Variants in TLE4 observed in about 807,000 individuals in gnomAD.
TLE4 encodes the protein transducin-like enhancer protein 4.
Under a neutral mutation model 92.8 loss-of-function variants are expected in TLE4, and 8 were observed. That is an observed-to-expected ratio of 0.09 (90% confidence interval 0.05 to 0.16). The LOEUF (loss-of-function observed/expected upper bound fraction) is 0.16, where lower values mean the gene tolerates loss of function less well. TLE4 is among the 10% of genes least tolerant of loss of function. TLE4 has a pLI of 1.00. For synonymous variants in TLE4, 371 were observed against 374.1 expected, an observed-to-expected ratio of 0.99 and a Z score of 0.10; for missense variants, 675 against 997.6, an observed-to-expected ratio of 0.68 and a Z score of 4.36.
At chr9:79,646,583 T>C (rs926959670) in intron 6 of TLE4, among the ~76,000 whole-genome samples, 1 of 152,222 alleles carries the variant, frequency 6.6e-6, no homozygotes, top group Admixed American at 6.5e-5. Flanking sequence ...AGATGTTTTC[T>C]AATATGTTTT....
intron 19 of TLE4, among the ~76,000 whole-genome samples, chr9:79,723,623 T>C (rs184247817): frequency 5.8e-4 from 89 of 152,368 alleles, no homozygotes; most frequent in African/African-American, 2.0e-3. Context: ...GAGAATTTCA[T>C]AGGCAAGGTG....
intron 5 of TLE4, among the ~76,000 whole-genome samples, chr9:79,616,254 C>CT (rs2049567862): frequency 6.6e-6 from 1 of 152,278 alleles, no homozygotes; most frequent in African/African-American, 2.4e-5. Flanking sequence ...GTGGTTTACT[C>CT]TAACTGGGCT....
At chr9:79,636,889 C>A (rs544098357) in intron 6 of TLE4, among the ~76,000 whole-genome samples, 56 of 152,194 alleles carry the variant, frequency 3.7e-4, no homozygotes, top group African/African-American at 1.3e-3. Context: ...GTAATTTGTT[C>A]ATAATAATTT....
intron 14 of TLE4, among the ~76,000 whole-genome samples, chr9:79,711,621 G>C (rs1425888271): frequency 6.6e-6 from 1 of 152,156 alleles, no homozygotes; most frequent in Admixed American, 6.5e-5. Flanking sequence ...GCTTCGAGGG[G>C]CAAGGGGTGT....
At chr9:79,602,855 C>G (rs927133770) in intron 4 of TLE4, among the ~76,000 whole-genome samples, 14 of 152,172 alleles carry the variant, frequency 9.2e-5, no homozygotes, top group Middle Eastern at 3.4e-3. Flanking sequence ...TGAAAACCTT[C>G]TGGAAAGGAT....
intron 5 of TLE4, among the ~76,000 whole-genome samples, chr9:79,625,867 T>C (rs2052486887): frequency 2.0e-5 from 3 of 150,138 alleles, no homozygotes; most frequent in Admixed American, 2.0e-4. Context: ...TATCTATAAA[T>C]AGACTTTTAT....
intron 14 of TLE4, among the ~76,000 whole-genome samples, chr9:79,714,513 A>G (rs1480695096): frequency 1.3e-5 from 2 of 152,162 alleles, no homozygotes; most frequent in African/African-American, 4.8e-5. Context: ...TATTCTTGCT[A>G]TCTGGAATAT....
chr9:79,650,219 GT>G (rs929585598), intron 6 of TLE4, among the ~76,000 whole-genome samples: 1 of 150,884 alleles, frequency 6.6e-6, no homozygotes, highest in East Asian at 1.9e-4. Flanking sequence ...CCAGGCTTGG[GT>G]TTTTTTTTGG....
chr9:79,579,599 A>T (rs2039035481), intron 4 of TLE4, among the ~76,000 whole-genome samples: 1 of 152,186 alleles, frequency 6.6e-6, no homozygotes, highest in Admixed American at 6.5e-5. Context: ...AAACGCATAG[A>T]ATCTGAAAGT....
chr9:79,641,142 CTT>C (rs1373069561), intron 6 of TLE4, among the ~76,000 whole-genome samples: 3 of 143,216 alleles, frequency 2.1e-5, no homozygotes, highest in African/African-American at 5.1e-5. Flanking sequence ...CAGGAAGAAT[CTT>C]TTTTTTTTTT....
chr9:79,645,405 A>G (rs1183798452), intron 6 of TLE4, among the ~76,000 whole-genome samples: 1 of 152,152 alleles, frequency 6.6e-6, no homozygotes, highest in Non-Finnish European at 1.5e-5. Flanking sequence ...GAAATGCCCA[A>G]AATTCCTAGG....
In TLE4 at chr9:79,572,705, C is replaced by A; in HGVS notation, c.-86C>A. The A allele has an allele frequency of 6.8e-7, 1 of 1,460,366 alleles. No individual in the cohort carries two copies. The highest frequency in any genetic ancestry group is 9.4e-7 in the Non-Finnish European group (1 of 1,065,420). The allele number at this position is 1,460,366 out of a possible 1,614,324, so 90.5% of individuals were successfully genotyped here. On this transcript the variant is annotated 5_prime_UTR_variant, in exon 1 of 20. Transcript: ENST00000376552. ...CCCCTCAGACCGAGCCGGCCGCCTC[C>A]GCTGCCGCGGCCGCCTCCTCTTCGG... is the stretch of plus-strand genomic sequence containing the variant.
intron 4 of TLE4, among the ~76,000 whole-genome samples, chr9:79,578,557 G>C (rs903922170): frequency 6.6e-6 from 1 of 151,976 alleles, no homozygotes; most frequent in Non-Finnish European, 1.5e-5. Flanking sequence ...GGTGGAGGTC[G>C]GTGTTCTCCC....
chr9:79,708,394 T>A, intron 12 of TLE4, 144 bp downstream of exon 12: 1 of 1,166,924 alleles, frequency 8.6e-7, no homozygotes, highest in Non-Finnish European at 1.2e-6. Flanking sequence ...ACCGAGCACC[T>A]GGGACCAACC....
rs1162706809 is a variant in TLE4 at position 79,722,963 on chromosome 9, A to G, written c.2142A>G (p.Lys714=). 2.5e-6 allele frequency: 4 copies of G among 1,614,178 alleles called. No homozygotes were observed. In the South Asian group the frequency reaches 3.3e-5, roughly 13 times the overall value. The change falls in exon 19 of 20, where the codon AAA becomes AAG. Residue 714 remains lysine (K), a synonymous_variant. Coordinates refer to ENST00000376552, the MANE Select transcript of TLE4 (RefSeq NM_007005.6). ...TTCAAAACCCTTTACCTATAGGCAAATGGTTTGTAAGCACTGGAAAGGACA... is the reference window on the plus strand; with the variant it reads ...TTCAAAACCCTTTACCTATAGGCAAGTGGTTTGTAAGCACTGGAAAGGACA... The part of the protein sequence containing the change: ...VLSLKFAHCG[K]WFVSTGKDNL...
intron 4 of TLE4, among the ~76,000 whole-genome samples, chr9:79,594,850 G>A (rs139203295): frequency 6.6e-4 from 101 of 152,292 alleles, no homozygotes; most frequent in African/African-American, 2.3e-3. Context: ...AATTTATTAA[G>A]CGTAAGTTTA....
At chr9:79,623,595 C>G (rs1223381155) in intron 5 of TLE4, among the ~76,000 whole-genome samples, 1 of 151,284 alleles carries the variant, frequency 6.6e-6, no homozygotes, top group Admixed American at 6.6e-5. Flanking sequence ...ATTATTTTTA[C>G]TGAGGTATAA....
intron 8 of TLE4, among the ~76,000 whole-genome samples, chr9:79,673,340 T>G (rs567265869): frequency 2.0e-5 from 3 of 152,300 alleles, no homozygotes; most frequent in East Asian, 3.9e-4. Context: ...ACCAAACAAT[T>G]TCTAGACCCC....
intron 14 of TLE4, among the ~76,000 whole-genome samples, chr9:79,712,391 T>C (rs554406907): frequency 2.0e-5 from 3 of 152,200 alleles, no homozygotes; most frequent in Non-Finnish European, 2.9e-5. Flanking sequence ...ATAACAGTTA[T>C]GTGGCTCTCC....
Sources: allele counts gnomAD v4.1 joint callset (sites outside exome capture counted in the v4.1 genomes callset), GRCh38; gene constraint gnomAD v4.1.1; transcripts MANE v1.5; gene names NCBI Gene and HGNC (gene_info 2026-07-23, HGNC 2026-07-21).